FUT8: variants seen among roughly 807,000 people sequenced by gnomAD.
FUT8 encodes the protein fucosyltransferase 8.
FUT8 carries 29 observed loss-of-function variants against 71.3 expected under a neutral mutation model. The observed-to-expected ratio is 0.41, with a 90% CI of 0.30 to 0.55. The LOEUF (loss-of-function observed/expected upper bound fraction) is 0.55, where lower values mean the gene tolerates loss of function less well. Among genes scored for constraint, FUT8 ranks in the 20% least tolerant of loss-of-function variants. FUT8 has a pLI of 0.34. For missense variants in FUT8, 544 were observed against 702.1 expected, an observed-to-expected ratio of 0.77 and a Z score of 2.55; for synonymous variants, 254 against 239.3, an observed-to-expected ratio of 1.06 and a Z score of -0.57.
At chr14:65,405,582 A>G in the FUT8 span, among the ~76,000 whole-genome samples, 2 of 152,292 alleles carry the variant, frequency 1.3e-5, no homozygotes, top group African/African-American at 2.4e-5. Flanking sequence ...TGCATCTACA[A>G]TAAACCTACC....
At chr14:65,525,484 A>G (rs1414258139) in intron 2 of FUT8, among the ~76,000 whole-genome samples, 1 of 152,142 alleles carries the variant, frequency 6.6e-6, no homozygotes, top group Non-Finnish European at 1.5e-5. Flanking sequence ...CTAGTGGTCT[A>G]TCAATTTTGT....
chr14:65,525,270 C>G (rs1409278836), intron 2 of FUT8, among the ~76,000 whole-genome samples: 2 of 152,176 alleles, frequency 1.3e-5, no homozygotes, highest in Non-Finnish European at 2.9e-5. Flanking sequence ...AGAGATTCAA[C>G]TTCTTCCTGG....
chr14:65,474,364 A>G (rs992761212), intron 2 of FUT8, among the ~76,000 whole-genome samples: 1 of 147,526 alleles, frequency 6.8e-6, no homozygotes, highest in Admixed American at 6.9e-5. Flanking sequence ...GCACTTTGGG[A>G]GGCTGAGGCG....
At chr14:65,555,557 T>C (rs1282240724) in intron 2 of FUT8, among the ~76,000 whole-genome samples, 1 of 152,206 alleles carries the variant, frequency 6.6e-6, no homozygotes, top group Non-Finnish European at 1.5e-5. Context: ...TTAAATTCCC[T>C]GAACTTTGGT....
intron 7 of FUT8, among the ~76,000 whole-genome samples, chr14:65,701,403 T>TTTGCTCC (rs1311455442): frequency 6.6e-6 from 1 of 152,226 alleles, no homozygotes; most frequent in Non-Finnish European, 1.5e-5. Context: ...TTGTGATAAA[T>TTTGCTCC]TTGCTCCTGG....
chr14:65,454,228 G>A (rs578012666), intron 1 of FUT8, among the ~76,000 whole-genome samples: 1 of 152,302 alleles, frequency 6.6e-6, no homozygotes, highest in East Asian at 1.9e-4. Flanking sequence ...ATAAACCTTT[G>A]CTGACTTTAG....
chr14:65,589,632 G>C (rs1055706773), intron 3 of FUT8, among the ~76,000 whole-genome samples: 3 of 151,888 alleles, frequency 2.0e-5, no homozygotes, highest in Non-Finnish European at 4.4e-5. Flanking sequence ...TTTTAGTAGA[G>C]ACGGGGTTTC....
At chr14:65,449,177 A>G (rs901744146) in intron 1 of FUT8, among the ~76,000 whole-genome samples, 7 of 152,232 alleles carry the variant, frequency 4.6e-5, no homozygotes, top group Admixed American at 4.6e-4. Context: ...GATGTAGACA[A>G]CTTCACCAAA....
At chr14:65,613,163 A>AT (rs1889096762) in intron 3 of FUT8, among the ~76,000 whole-genome samples, 1 of 151,950 alleles carries the variant, frequency 6.6e-6, no homozygotes, top group African/African-American at 2.4e-5. Context: ...ATCACATGCT[A>AT]TTTTTTTCAT....
chr14:65,364,044 C>T, the FUT8 span, among the ~76,000 whole-genome samples: 1 of 152,152 alleles, frequency 6.6e-6, no homozygotes, highest in Non-Finnish European at 1.5e-5. Context: ...TGGTGGAGAA[C>T]ACTGGTTCTC....
intron 3 of FUT8, among the ~76,000 whole-genome samples, chr14:65,610,424 T>C (rs1390228461): frequency 6.6e-6 from 1 of 151,440 alleles, no homozygotes; most frequent in Non-Finnish European, 1.5e-5. Flanking sequence ...AGTTTCGCTC[T>C]TGTTGCCCTG....
At chr14:65,458,746 A>G (rs1213304553) in intron 2 of FUT8, among the ~76,000 whole-genome samples, 1 of 149,456 alleles carries the variant, frequency 6.7e-6, no homozygotes, top group East Asian at 1.9e-4. Context: ...CTCAGAAAAC[A>G]TTTCTTTAAA....
chr14:65,667,956 A>C (rs1892297688), intron 6 of FUT8, among the ~76,000 whole-genome samples: 1 of 152,174 alleles, frequency 6.6e-6, no homozygotes, highest in Non-Finnish European at 1.5e-5. Context: ...AAAGCTGACA[A>C]AAACAAGCCA....
chr14:65,442,208 G>T (rs1271785082), intron 1 of FUT8, among the ~76,000 whole-genome samples: 4 of 148,238 alleles, frequency 2.7e-5, no homozygotes, highest in Non-Finnish European at 4.5e-5. Context: ...GCTGAGTCTT[G>T]CTCTGTTGCC....
At chr14:65,386,157 A>T in the FUT8 span, among the ~76,000 whole-genome samples, 2 of 151,610 alleles carry the variant, frequency 1.3e-5, no homozygotes, top group Admixed American at 1.3e-4. Flanking sequence ...ATCTAAAAAA[A>T]AAAAAGAAGT....
At chr14:65,568,443 CTTTCAGT>C (rs1886310905) in intron 3 of FUT8, among the ~76,000 whole-genome samples, 1 of 151,110 alleles carries the variant, frequency 6.6e-6, no homozygotes, top group African/African-American at 2.4e-5. Flanking sequence ...CTAAGCACAG[CTTTCAGT>C]TGTATTCCAT....
At chr14:65,632,951 C>T (rs538023361) in intron 6 of FUT8, among the ~76,000 whole-genome samples, 18 of 151,760 alleles carry the variant, frequency 1.2e-4, no homozygotes, top group African/African-American at 4.1e-4. Flanking sequence ...CCAATTATCC[C>T]GGCACCATTT....
intron 1 of FUT8, among the ~76,000 whole-genome samples, chr14:65,414,022 T>G (rs1277585411): frequency 6.6e-6 from 1 of 152,198 alleles, no homozygotes; most frequent in Non-Finnish European, 1.5e-5. Flanking sequence ...ATATATAGAT[T>G]GAGGCCTTGG....
the FUT8 span, among the ~76,000 whole-genome samples, chr14:65,377,778 C>T: frequency 2.0e-5 from 3 of 151,998 alleles, no homozygotes; most frequent in Non-Finnish European, 2.9e-5. Flanking sequence ...TGGTATGCCC[C>T]TCCCACCGAG....
Sources: allele counts gnomAD v4.1 joint callset (sites outside exome capture counted in the v4.1 genomes callset), GRCh38; gene constraint gnomAD v4.1.1; transcripts MANE v1.5; gene names NCBI Gene and HGNC (gene_info 2026-07-23, HGNC 2026-07-21).